NTRK2: variants seen among roughly 807,000 people sequenced by gnomAD.
NTRK2 encodes neurotrophic receptor tyrosine kinase 2, also known as BDNF/NT-3 growth factors receptor.
Under a neutral mutation model 94.5 loss-of-function variants are expected in NTRK2, and 13 were observed. That is an observed-to-expected ratio of 0.14 (90% CI 0.09 to 0.22). NTRK2 has a LOEUF of 0.22. NTRK2 is among the 10% of genes least tolerant of loss of function. NTRK2 has a pLI of 1.00. For missense variants in NTRK2, 639 were observed against 1,071.2 expected (o/e 0.60, Z 5.63); for synonymous variants, 372 against 407.4 (o/e 0.91, Z 1.05).
intron 14 of NTRK2, among the ~76,000 whole-genome samples, chr9:84,912,729 C>A (rs2077276609): frequency 6.6e-6 from 1 of 150,900 alleles, no homozygotes; most frequent in African/African-American, 2.4e-5. Context: ...ATGCCATTCT[C>A]CTGTCAGCCT....
intron 17 of NTRK2, among the ~76,000 whole-genome samples, chr9:85,015,934 C>T (rs1363769442): frequency 6.6e-6 from 1 of 152,056 alleles, no homozygotes; most frequent in African/African-American, 2.4e-5. Flanking sequence ...TACAGGATGT[C>T]CAATGGGGAA....
At chr9:84,740,473 C>A (rs555241901) in intron 9 of NTRK2, among the ~76,000 whole-genome samples, 1 of 152,186 alleles carries the variant, frequency 6.6e-6, no homozygotes, top group African/African-American at 2.4e-5. Flanking sequence ...GATACAGTGC[C>A]ATCATATGTG....
In NTRK2 at chr9:84,862,426, C is replaced by A. The variant is rs76081574; in HGVS notation, c.1444+1339C>A. 4.6e-3 allele frequency among the ~76,000 whole-genome samples: 708 copies of A among 152,280 alleles called. 13 individuals carry two copies. The highest frequency in any genetic ancestry group is 0.038 in the Admixed American group (576 of 15,292). ...ACAGGGTCTTGCTTCTGCTAAATAGCAAGTCATTGCAACCACTTAAATATT... is the reference window on the plus strand; with the variant it reads ...ACAGGGTCTTGCTTCTGCTAAATAGAAAGTCATTGCAACCACTTAAATATT... On this transcript the variant is annotated intron_variant, in intron 13 of 18. Coordinates refer to ENST00000277120, the MANE Select transcript of NTRK2 (RefSeq NM_006180.6).
At chr9:84,912,250 C>G (rs2077257597) in intron 14 of NTRK2, among the ~76,000 whole-genome samples, 1 of 152,072 alleles carries the variant, frequency 6.6e-6, no homozygotes. Context: ...CTAGAAATGT[C>G]CATTAGACCT....
chr9:84,808,919 A>C (rs1299480341), intron 12 of NTRK2, among the ~76,000 whole-genome samples: 1 of 152,212 alleles, frequency 6.6e-6, no homozygotes, highest in African/African-American at 2.4e-5. Flanking sequence ...AGGTGGAGGA[A>C]GATGGAGAGT....
intron 17 of NTRK2, among the ~76,000 whole-genome samples, chr9:85,004,028 A>AGAAG (rs1315885523): frequency 1.7e-5 from 1 of 60,250 alleles, no homozygotes; most frequent in African/African-American, 9.5e-5. Context: ...AGAGAAAGAA[A>AGAAG]GAAAGAGAGA....
chr9:84,734,604 G>A (rs2063122881), intron 9 of NTRK2, among the ~76,000 whole-genome samples: 1 of 152,180 alleles, frequency 6.6e-6, no homozygotes, highest in East Asian at 1.9e-4. Flanking sequence ...GAATCATGGG[G>A]TGGATTTTTC....
chr9:84,906,740 G>C (rs753691552), intron 14 of NTRK2, among the ~76,000 whole-genome samples: 2 of 152,124 alleles, frequency 1.3e-5, no homozygotes, highest in Non-Finnish European at 2.9e-5. Context: ...GAAGACTGAG[G>C]GGATTCTGGG....
At chr9:84,842,287 C>T (rs768461311) in intron 12 of NTRK2, among the ~76,000 whole-genome samples, 3 of 152,174 alleles carry the variant, frequency 2.0e-5, no homozygotes, top group Non-Finnish European at 4.4e-5. Flanking sequence ...TGATCTAAGT[C>T]TTGCCCTCCT....
intron 17 of NTRK2, among the ~76,000 whole-genome samples, chr9:85,008,846 A>G (rs111917719): frequency 0.017 from 2,641 of 152,298 alleles, 66 homozygotes; most frequent in African/African-American, 0.06. Context: ...CTGTTACTCT[A>G]ACGCTATCGC....
At chr9:85,004,199 G>T (rs1159234763) in intron 17 of NTRK2, among the ~76,000 whole-genome samples, 1 of 151,706 alleles carries the variant, frequency 6.6e-6, no homozygotes, top group African/African-American at 2.4e-5. Context: ...TAGTCCTTGG[G>T]CCAGCAGAGG....
chr9:85,009,037 GT>G (rs1831282905), intron 17 of NTRK2, among the ~76,000 whole-genome samples: 1 of 152,178 alleles, frequency 6.6e-6, no homozygotes, highest in Non-Finnish European at 1.5e-5. Context: ...CGTTCAGCTA[GT>G]TGGCAAGTGG....
At chr9:84,716,425 C>T (rs568545183) in intron 6 of NTRK2, among the ~76,000 whole-genome samples, 2 of 152,258 alleles carry the variant, frequency 1.3e-5, no homozygotes, top group African/African-American at 4.8e-5. Context: ...GTTTGTAGCA[C>T]ATATGTCTGT....
chr9:84,925,452 A>C (rs923285590), intron 14 of NTRK2, among the ~76,000 whole-genome samples: 1 of 151,398 alleles, frequency 6.6e-6, no homozygotes, highest in South Asian at 2.1e-4. Flanking sequence ...GCTGCCTTCT[A>C]TTGTCTTCGT....
intron 12 of NTRK2, chr9:84,815,240 T>C: frequency 9.5e-7 from 1 of 1,055,656 alleles, no homozygotes; most frequent in South Asian, 4.6e-5. Flanking sequence ...GGCATGTTCA[T>C]GAGTGAGCAC....
chr9:84,877,192 T>A, intron 14 of NTRK2: 3 of 1,065,186 alleles, frequency 2.8e-6, no homozygotes, highest in Non-Finnish European at 3.4e-6. Flanking sequence ...TTAGCCAGAT[T>A]TGAGTCTAAT....
intron 14 of NTRK2, among the ~76,000 whole-genome samples, chr9:84,893,313 T>C (rs1045194153): frequency 6.6e-6 from 1 of 152,184 alleles, no homozygotes; most frequent in Non-Finnish European, 1.5e-5. Flanking sequence ...CTGGGCTTCT[T>C]TAATACATCT....
intron 14 of NTRK2, among the ~76,000 whole-genome samples, chr9:84,904,427 G>C (rs2077016818): frequency 1.3e-5 from 2 of 152,122 alleles, no homozygotes; most frequent in Admixed American, 6.5e-5. Context: ...CCTCCCCTTT[G>C]GATGGATTTC....
At chr9:84,762,431 A>G (rs2065659359) in intron 12 of NTRK2, among the ~76,000 whole-genome samples, 1 of 152,224 alleles carries the variant, frequency 6.6e-6, no homozygotes, top group South Asian at 2.1e-4. Flanking sequence ...TATTGAAATG[A>G]CATGCATTCC....
Sources: gnomAD v4.1 joint callset for allele counts (sites outside exome capture counted in the v4.1 genomes callset) on GRCh38, gnomAD v4.1.1 for gene constraint, MANE v1.5 for transcripts, NCBI Gene and HGNC (gene_info 2026-07-23, HGNC 2026-07-21) for gene names.